Variants in SYNPR observed in about 807,000 individuals in gnomAD.
The protein encoded by SYNPR is synaptoporin.
A neutral mutation model predicts 32.9 loss-of-function variants in SYNPR; 23 were observed. The ratio of observed to expected loss-of-function variants is 0.70; its 90% CI spans 0.50 to 0.99. SYNPR has a LOEUF of 0.99. Among genes scored for constraint, SYNPR ranks in the 50% least tolerant of loss-of-function variants. The probability of loss-of-function intolerance (pLI) is 0.00; values close to 1 mark genes in which losing one functional copy is unlikely to be tolerated. For missense variants in SYNPR, 318 were observed against 349.3 expected, an observed-to-expected ratio of 0.91 and a Z score of 0.71; for synonymous variants, 146 against 135.9, an observed-to-expected ratio of 1.07 and a Z score of -0.52.
intron 1 of SYNPR, among the ~76,000 whole-genome samples, chr3:63,245,940 G>T (rs1001079314): frequency 2.0e-5 from 3 of 151,912 alleles, no homozygotes; most frequent in African/African-American, 7.2e-5. Context: ...GTATATTTCA[G>T]AAACACTGAT....
chr3:63,202,510 C>G, the SYNPR span, among the ~76,000 whole-genome samples: 1 of 152,066 alleles, frequency 6.6e-6, no homozygotes. Flanking sequence ...TGAACACAGG[C>G]AAGAGGAAAA....
chr3:63,293,115 A>G (rs966455906), intron 2 of SYNPR, among the ~76,000 whole-genome samples: 6 of 152,196 alleles, frequency 3.9e-5, no homozygotes, highest in African/African-American at 1.4e-4. Flanking sequence ...AGTTCTTGCT[A>G]CATGCCAGGC....
chr3:63,290,478 C>A (rs938977580), intron 2 of SYNPR, among the ~76,000 whole-genome samples: 1 of 152,172 alleles, frequency 6.6e-6, no homozygotes, highest in African/African-American at 2.4e-5. Flanking sequence ...GCCCTCATGA[C>A]TAAGGATGTT....
intron 4 of SYNPR, among the ~76,000 whole-genome samples, chr3:63,597,120 C>A (rs1051267317): frequency 8.6e-5 from 13 of 152,038 alleles, no homozygotes; most frequent in Non-Finnish European, 1.5e-4. Context: ...TTAACTGTGG[C>A]TACTTTAAAG....
rs181336021 is a variant in SYNPR at position 63,518,702 on chromosome 3, T to A, written c.209+37746T>A. On this transcript the variant is annotated intron_variant, in intron 3 of 5. Transcript: ENST00000478300. ...ATTTTATACCTGGCACAGTTCTGAGTGCTTTACATGTGGACTCAGCCCACC... is the reference window on the plus strand; with the variant it reads ...ATTTTATACCTGGCACAGTTCTGAGAGCTTTACATGTGGACTCAGCCCACC... Among the ~76,000 whole-genome samples the A allele has an allele frequency of 4.3e-4, 65 of 152,196 alleles. 1 individual carries two copies. Among genetic ancestry groups the A allele is most frequent in the South Asian group, 1.5e-3 (7 of 4,824 alleles).
At chr3:63,600,103 A>C (rs1292871169) in intron 4 of SYNPR, among the ~76,000 whole-genome samples, 1 of 152,232 alleles carries the variant, frequency 6.6e-6, no homozygotes, top group Admixed American at 6.5e-5. Flanking sequence ...AATTATAAGG[A>C]AAGTATTTAA....
chr3:63,311,110 T>C (rs865777926), intron 2 of SYNPR, among the ~76,000 whole-genome samples: 1 of 152,006 alleles, frequency 6.6e-6, no homozygotes, highest in Admixed American at 6.6e-5. Context: ...TTTTTTGTTG[T>C]TGTTGTTTTG....
chr3:63,389,135 G>A (rs1377622072), intron 2 of SYNPR, among the ~76,000 whole-genome samples: 5 of 152,160 alleles, frequency 3.3e-5, no homozygotes, highest in African/African-American at 1.2e-4. Flanking sequence ...GCTCTTGTGC[G>A]TAATGCATTA....
intron 2 of SYNPR, among the ~76,000 whole-genome samples, chr3:63,384,335 A>G (rs1254066504): frequency 1.3e-5 from 2 of 152,200 alleles, no homozygotes; most frequent in African/African-American, 4.8e-5. Flanking sequence ...ATATTAATAT[A>G]TATCCTCCAC....
At chr3:63,331,079 C>T (rs1418979046) in intron 2 of SYNPR, among the ~76,000 whole-genome samples, 1 of 152,152 alleles carries the variant, frequency 6.6e-6, no homozygotes, top group Non-Finnish European at 1.5e-5. Context: ...TCAGAAAATA[C>T]ACAGCACATA....
chr3:63,486,623 A>G (rs769111326), intron 3 of SYNPR, among the ~76,000 whole-genome samples: 2 of 152,158 alleles, frequency 1.3e-5, no homozygotes, highest in Admixed American at 1.3e-4. Context: ...GAACATTACC[A>G]TCTTTAAAGA....
chr3:63,540,930 AACACACAC>A (rs58295090), intron 3 of SYNPR, among the ~76,000 whole-genome samples: 11 of 122,852 alleles, frequency 9.0e-5, no homozygotes, highest in Non-Finnish European at 1.7e-4. Flanking sequence ...TCCCCCCCCC[AACACACAC>A]ACACACACAC....
chr3:63,434,829 G>A (rs1422816858), intron 2 of SYNPR, among the ~76,000 whole-genome samples: 2 of 152,114 alleles, frequency 1.3e-5, no homozygotes, highest in Non-Finnish European at 1.5e-5. Flanking sequence ...TTTTTGACTA[G>A]AATTATGAAA....
At chr3:63,204,979 C>T in the SYNPR span, among the ~76,000 whole-genome samples, 8 of 152,298 alleles carry the variant, frequency 5.3e-5, no homozygotes, top group South Asian at 2.1e-4. Flanking sequence ...TGAGCCACTA[C>T]GCCCAGCCAG....
At chr3:63,524,143 C>T (rs1409465509) in intron 3 of SYNPR, among the ~76,000 whole-genome samples, 1 of 151,720 alleles carries the variant, frequency 6.6e-6, no homozygotes, top group East Asian at 1.9e-4. Flanking sequence ...TCCTATCAGT[C>T]ATAAGTAGAA....
chr3:63,494,734 G>A (rs1701340083), intron 3 of SYNPR, among the ~76,000 whole-genome samples: 1 of 151,882 alleles, frequency 6.6e-6, no homozygotes, highest in Non-Finnish European at 1.5e-5. Flanking sequence ...CACTGAGATT[G>A]AATGCCTTGC....
At chr3:63,335,074 G>T (rs1458356985) in intron 2 of SYNPR, among the ~76,000 whole-genome samples, 2 of 152,150 alleles carry the variant, frequency 1.3e-5, no homozygotes, top group African/African-American at 4.8e-5. Flanking sequence ...GAAATGGCAG[G>T]CCTGGCGCCG....
At chr3:63,452,733 T>C (rs995042941) in intron 2 of SYNPR, among the ~76,000 whole-genome samples, 2 of 150,892 alleles carry the variant, frequency 1.3e-5, no homozygotes, top group Non-Finnish European at 2.9e-5. Flanking sequence ...ATTGTGTATA[T>C]GGTGACTCTG....
intron 3 of SYNPR, among the ~76,000 whole-genome samples, chr3:63,506,724 G>A (rs985629115): frequency 5.9e-5 from 9 of 152,046 alleles, no homozygotes; most frequent in Non-Finnish European, 8.8e-5. Flanking sequence ...TGGGAAATGC[G>A]GAGTTAGACA....
Sources: allele counts gnomAD v4.1 joint callset (sites outside exome capture counted in the v4.1 genomes callset), GRCh38; gene constraint gnomAD v4.1.1; transcripts MANE v1.5; gene names NCBI Gene and HGNC (gene_info 2026-07-23, HGNC 2026-07-21).